Variants in NCOA2 observed in about 807,000 individuals in gnomAD.
NCOA2 encodes the protein nuclear receptor coactivator 2.
In NCOA2, 21 loss-of-function variants were observed where a neutral mutation model predicts 145.1. The ratio of observed to expected loss-of-function variants is 0.14; its 90% CI spans 0.10 to 0.21. The LOEUF (loss-of-function observed/expected upper bound fraction) is 0.21, where lower values mean the gene tolerates loss of function less well. NCOA2 is among the 10% of genes least tolerant of loss of function. NCOA2 has a pLI of 1.00. For missense variants in NCOA2, 1,472 were observed against 1,837.6 expected (o/e 0.80, Z 3.64); for synonymous variants, 619 against 637.5 (o/e 0.97, Z 0.44).
intron 14 of NCOA2, 69 bp downstream of exon 14, chr8:70,141,115 G>C (rs1384970628): frequency 6.9e-7 from 1 of 1,446,228 alleles, no homozygotes; most frequent in African/African-American, 1.4e-5. Flanking sequence ...TGTCTTGAAA[G>C]AACTTATGAC....
At chr8:70,147,110 T>TCGCGCGCGCGCG (rs71758835) in intron 12 of NCOA2, among the ~76,000 whole-genome samples, 5 of 149,482 alleles carry the variant, frequency 3.3e-5, no homozygotes, top group African/African-American at 1.2e-4. Flanking sequence ...TGCAAATCTT[T>TCGCGCGCGCGCG]CGCGCGCGCG....
intron 1 of NCOA2, among the ~76,000 whole-genome samples, chr8:70,306,125 G>A (rs13260060): frequency 0.11 from 15,981 of 152,106 alleles, 1,276 homozygotes; most frequent in East Asian, 0.41. Flanking sequence ...GAGGAATACT[G>A]GAGAAAACTG....
intron 22 of NCOA2, among the ~76,000 whole-genome samples, chr8:70,115,463 G>T (rs1330360685): frequency 6.6e-6 from 1 of 152,232 alleles, no homozygotes; most frequent in Non-Finnish European, 1.5e-5. Flanking sequence ...CACTTTAGGG[G>T]TGGGGTCCAT....
At chr8:70,400,370 C>G (rs1814119248) in intron 1 of NCOA2, among the ~76,000 whole-genome samples, 2 of 152,108 alleles carry the variant, frequency 1.3e-5, no homozygotes, top group African/African-American at 4.8e-5. Flanking sequence ...TTCTAGATGT[C>G]TCCATATGCT....
chr8:70,148,172 T>A, intron 12 of NCOA2, 101 bp downstream of exon 12: 1 of 1,215,916 alleles, frequency 8.2e-7, no homozygotes, highest in South Asian at 1.2e-5. Context: ...CACAAAAACC[T>A]TAAAGTGACT....
intron 1 of NCOA2, among the ~76,000 whole-genome samples, chr8:70,324,900 T>G (rs540041844): frequency 6.6e-6 from 1 of 152,184 alleles, no homozygotes. Flanking sequence ...TTTGGAAATT[T>G]TGAAAAATAG....
intron 1 of NCOA2, among the ~76,000 whole-genome samples, chr8:70,373,708 G>C (rs2131297606): frequency 6.6e-6 from 1 of 152,188 alleles, no homozygotes; most frequent in South Asian, 2.1e-4. Context: ...CTTCAAATTA[G>C]TTTTTATGTA....
In NCOA2 at chr8:70,403,771, G is replaced by C. The variant is rs1563854319; in HGVS notation, c.-148C>G. On this transcript the variant is annotated 5_prime_UTR_variant, in exon 1 of 23. Coordinates refer to ENST00000452400, the MANE Select transcript of NCOA2 (RefSeq NM_006540.4). ...GACCTTCGCCGCCGAAGCTGTAGCCGAGGCTGCGGCCGCCATGTTCCCGTG... is the reference window on the plus strand; with the variant it reads ...GACCTTCGCCGCCGAAGCTGTAGCCCAGGCTGCGGCCGCCATGTTCCCGTG... The C allele has an allele frequency of 5.0e-6, 2 of 397,944 alleles. No homozygotes were observed. The highest frequency in any genetic ancestry group is 8.9e-6 in the Non-Finnish European group (2 of 225,612). 24.7% of individuals were successfully genotyped at this position (397,944 alleles called of 1,614,324 possible). A position where few individuals can be genotyped will look rare whatever the true frequency, so the allele number is the denominator to read the frequency against.
intron 2 of NCOA2, among the ~76,000 whole-genome samples, chr8:70,288,827 T>A (rs1019102563): frequency 1.3e-5 from 2 of 152,230 alleles, no homozygotes; most frequent in Non-Finnish European, 2.9e-5. Flanking sequence ...GCAAATAGTT[T>A]ATGTGTCAGA....
intron 2 of NCOA2, among the ~76,000 whole-genome samples, chr8:70,224,815 A>G (rs1470737666): frequency 6.6e-6 from 1 of 151,602 alleles, no homozygotes; most frequent in African/African-American, 2.4e-5. Context: ...TGTCATTATA[A>G]TAAGAAGTAC....
At chr8:70,313,895 GCAA>G (rs1459076138) in intron 1 of NCOA2, among the ~76,000 whole-genome samples, 1 of 152,128 alleles carries the variant, frequency 6.6e-6, no homozygotes, top group Admixed American at 6.5e-5. Context: ...TGCTGGCCGG[GCAA>G]GGCGGCTCAC....
intron 1 of NCOA2, among the ~76,000 whole-genome samples, chr8:70,369,305 T>C (rs1183547698): frequency 6.6e-6 from 1 of 152,240 alleles, no homozygotes; most frequent in African/African-American, 2.4e-5. Context: ...CAATTGGTTC[T>C]TTTATAAAAT....
chr8:70,295,346 T>A (rs189158276), intron 2 of NCOA2, among the ~76,000 whole-genome samples: 1 of 152,342 alleles, frequency 6.6e-6, no homozygotes, highest in African/African-American at 2.4e-5. Context: ...CGATATAAAC[T>A]GGACAACTTT....
chr8:70,163,527 G>A lies in NCOA2; in HGVS notation c.770C>T (p.Pro257Leu). 6.2e-7 allele frequency: 1 copy of A among 1,613,884 alleles called. No homozygotes were observed. ...GGGAAGAACTGGTCTTTCCTTCATGGGAACTCTTCTTGCCACGCAAATCAA... is the reference window on the plus strand; with the variant it reads ...GGGAAGAACTGGTCTTTCCTTCATGAGAACTCTTCTTGCCACGCAAATCAA... ...SCLICVARRVPMKERPVLPSS... is the reference protein window; with the variant it reads ...SCLICVARRVLMKERPVLPSS... Residue 257 changes from proline to leucine, a missense_variant, in exon 8 of 23, where the codon CCC becomes CTC. Physicochemically the swap from Pro to Leu is moderately conservative, Grantham distance 98. Transcript: ENST00000452400.
At chr8:70,167,187 C>T (rs987593237) in intron 6 of NCOA2, among the ~76,000 whole-genome samples, 6 of 152,164 alleles carry the variant, frequency 3.9e-5, no homozygotes, top group Non-Finnish European at 8.8e-5. Context: ...TAAGTCAGCC[C>T]TGCTCAAAAT....
chr8:70,397,324 G>A (rs1813763448), intron 1 of NCOA2, among the ~76,000 whole-genome samples: 1 of 152,126 alleles, frequency 6.6e-6, no homozygotes, highest in East Asian at 1.9e-4. Context: ...GTGGTGACAT[G>A]TGACGGCAGT....
At chr8:70,202,278 A>T (rs1563612816) in intron 4 of NCOA2, among the ~76,000 whole-genome samples, 1 of 152,176 alleles carries the variant, frequency 6.6e-6, no homozygotes, top group Non-Finnish European at 1.5e-5. Flanking sequence ...GACACTATGG[A>T]GGTTCCCTGA....
chr8:70,266,058 G>T (rs2135175064), intron 2 of NCOA2, among the ~76,000 whole-genome samples: 1 of 152,328 alleles, frequency 6.6e-6, no homozygotes, highest in African/African-American at 2.4e-5. Flanking sequence ...GCTGAGGCAG[G>T]AGAATTGCTT....
intron 1 of NCOA2, among the ~76,000 whole-genome samples, chr8:70,352,412 C>A (rs997537399): frequency 2.0e-5 from 3 of 152,120 alleles, no homozygotes; most frequent in Non-Finnish European, 2.9e-5. Flanking sequence ...AAGCTAAGTC[C>A]CCACAGACCC....
Sources: gnomAD v4.1 joint callset for allele counts (sites outside exome capture counted in the v4.1 genomes callset) on GRCh38, gnomAD v4.1.1 for gene constraint, MANE v1.5 for transcripts, NCBI Gene and HGNC (gene_info 2026-07-23, HGNC 2026-07-21) for gene names.